PRRX1: variants seen among roughly 807,000 people sequenced by gnomAD.
PRRX1 encodes paired mesoderm homeobox protein 1.
Under a neutral mutation model 24.0 loss-of-function variants are expected in PRRX1, and 8 were observed. That is an observed-to-expected ratio of 0.33 (90% CI 0.20 to 0.60). The LOEUF (loss-of-function observed/expected upper bound fraction) is 0.60. Among genes scored for constraint, PRRX1 ranks in the 20% least tolerant of loss-of-function variants. PRRX1 has a pLI of 0.82. For synonymous variants in PRRX1, 160 were observed against 131.7 expected (o/e 1.22, Z -1.47); for missense variants, 281 against 322.4 (o/e 0.87, Z 0.98).
chr1:170,689,240 A>G (rs1240570614), intron 1 of PRRX1, among the ~76,000 whole-genome samples: 3 of 152,108 alleles, frequency 2.0e-5, no homozygotes, highest in African/African-American at 7.2e-5. Context: ...AAGATTTTTG[A>G]CAGGATTGAT....
At chr1:170,694,226 A>G (rs1654086076) in intron 1 of PRRX1, among the ~76,000 whole-genome samples, 1 of 152,134 alleles carries the variant, frequency 6.6e-6, no homozygotes. Flanking sequence ...ATTTTTTAAA[A>G]TGAATTTAGG....
At chr1:170,708,287 T>A (rs1654630308) in intron 1 of PRRX1, among the ~76,000 whole-genome samples, 1 of 152,106 alleles carries the variant, frequency 6.6e-6, no homozygotes, top group Non-Finnish European at 1.5e-5. Context: ...ATAAGATTAT[T>A]CCACATGAAT....
intron 1 of PRRX1, among the ~76,000 whole-genome samples, chr1:170,670,288 T>C (rs1305478130): frequency 6.6e-6 from 1 of 152,246 alleles, no homozygotes; most frequent in African/African-American, 2.4e-5. Flanking sequence ...GTCAGCGTTA[T>C]GTATCCACAA....
chr1:170,669,771 CCCGGCGCGCCTCCAGTTCCAAGG>C (rs1211123191), intron 1 of PRRX1, among the ~76,000 whole-genome samples: 2 of 151,950 alleles, frequency 1.3e-5, no homozygotes, highest in African/African-American at 4.8e-5. Context: ...CATTGCGACC[CCCGGCGCGCCTCCAGTTCCAAGG>C]CCGAGCTCAC....
At chr1:170,711,832 G>T (rs1320982376) in intron 1 of PRRX1, among the ~76,000 whole-genome samples, 1 of 152,154 alleles carries the variant, frequency 6.6e-6, no homozygotes, top group Non-Finnish European at 1.5e-5. Context: ...CACACATCTG[G>T]ATTATTGCAA....
At position 170,696,790 on chromosome 1, in the gene PRRX1, G is replaced by A. The variant is rs79354140; in HGVS notation, c.242-22936G>A. ...TAAAGTTCTCACAGAGAAAGAAAAC[G>A]TTTACCACTCAGTAAAAATCCCTGG... On this transcript the variant is annotated intron_variant, in intron 1 of 3. Transcript: ENST00000239461. Among the ~76,000 whole-genome samples, 200 of 152,214 alleles carry A rather than the reference G, an allele frequency of 1.3e-3. 5 individuals carry two copies. In the East Asian group the frequency reaches 0.026, roughly 20 times the overall value.
chr1:170,691,371 G>C (rs542369915), intron 1 of PRRX1, among the ~76,000 whole-genome samples: 3 of 152,010 alleles, frequency 2.0e-5, no homozygotes, highest in East Asian at 1.9e-4. Flanking sequence ...TGCTTTTATA[G>C]AGTTGCCACT....
At position 170,710,213 on chromosome 1, in the gene PRRX1, C is replaced by T. The variant is rs1302797598; in HGVS notation, c.242-9513C>T. On this transcript the variant is annotated intron_variant, in intron 1 of 3. Transcript: ENST00000239461. ...AAGTAAAAAAACACACCACCAACAC[C>T]ATCACCACCAAAAGAATATAATTCA... Among the ~76,000 whole-genome samples the T allele has an allele frequency of 3.3e-5, 5 of 152,252 alleles. No homozygotes were observed. In the East Asian group the frequency reaches 9.6e-4, roughly 29 times the overall value.
intron 3 of PRRX1, among the ~76,000 whole-genome samples, chr1:170,734,223 A>T (rs1001884612): frequency 4.8e-5 from 7 of 144,388 alleles, no homozygotes; most frequent in Non-Finnish European, 3.0e-5. Context: ...TATTGGTAAG[A>T]TTTTTTTTTT....
intron 1 of PRRX1, among the ~76,000 whole-genome samples, chr1:170,710,744 C>T (rs973995838): frequency 7.9e-5 from 12 of 152,080 alleles, no homozygotes; most frequent in Non-Finnish European, 1.8e-4. Flanking sequence ...AAGAAGAGAC[C>T]AGGAAGCTTG....
chr1:170,719,185 C>T (rs1325027997), intron 1 of PRRX1, among the ~76,000 whole-genome samples: 1 of 152,152 alleles, frequency 6.6e-6, no homozygotes, highest in Non-Finnish European at 1.5e-5. Context: ...TTACTTGCTG[C>T]TTCAAGGAGA....
chr1:170,693,263 G>C (rs140159157), intron 1 of PRRX1, among the ~76,000 whole-genome samples: 2 of 152,206 alleles, frequency 1.3e-5, no homozygotes, highest in African/African-American at 4.8e-5. Flanking sequence ...TCGCAAAATA[G>C]AAAATGCTGT....
intron 2 of PRRX1, 136 bp downstream of exon 2, chr1:170,720,037 G>A (rs1655030964): frequency 2.5e-6 from 3 of 1,179,912 alleles, no homozygotes; most frequent in Non-Finnish European, 3.7e-6. Context: ...GGAGGTTGAG[G>A]CAGGCACATT....
At chr1:170,730,127 C>A (rs1164668954) in intron 3 of PRRX1, 2 of 778,076 alleles carry the variant, frequency 2.6e-6, no homozygotes, top group African/African-American at 1.7e-5. Flanking sequence ...TAAAAGAAAG[C>A]TAGTGATGAG....
At chr1:170,667,899 C>A (rs1652997543) in intron 1 of PRRX1, 1 of 152,182 alleles carries the variant, frequency 6.6e-6, no homozygotes, top group South Asian at 2.1e-4. Context: ...TTGCAAAATT[C>A]CTAACTATAA....
At chr1:170,687,575 A>C (rs1653788478) in intron 1 of PRRX1, among the ~76,000 whole-genome samples, 1 of 152,158 alleles carries the variant, frequency 6.6e-6, no homozygotes, top group Non-Finnish European at 1.5e-5. Context: ...TTTTCTCTAA[A>C]ATGAGGATTA....
Position 170,738,920 on chromosome 1 carries a change from C to T in PRRX1, c.*2734C>T, listed in dbSNP as rs771409379. The T allele has an allele frequency of 3.5e-5, 8 of 228,622 alleles. No individual in the cohort carries two copies. Among genetic ancestry groups the T allele is most frequent in the Non-Finnish European group, 6.9e-5 (8 of 115,238 alleles). 14.2% of individuals were successfully genotyped at this position (228,622 alleles called of 1,614,324 possible). A position where few individuals can be genotyped will look rare whatever the true frequency, so the allele number is the denominator to read the frequency against. On this transcript the variant is annotated 3_prime_UTR_variant, in exon 4 of 4. Coordinates refer to ENST00000239461, the MANE Select transcript of PRRX1 (RefSeq NM_022716.4). ...TGGTCAGCCAAAGAAACATTCACTG[C>T]TGGTGAACCAATACCATAAGCATGT... is the stretch of plus-strand genomic sequence containing the variant.
In PRRX1 at chr1:170,736,710, G is replaced by C. The variant is rs938891907; in HGVS notation, c.*524G>C. The C allele has an allele frequency of 1.0e-5, 2 of 194,822 alleles. No homozygotes were observed. The highest frequency in any genetic ancestry group is 2.3e-5 in the African/African-American group (1 of 43,002). The allele number at this position is 194,822 out of a possible 1,614,324, so 12.1% of individuals were successfully genotyped here. A position where few individuals can be genotyped will look rare whatever the true frequency, so the allele number is the denominator to read the frequency against. On this transcript the variant is annotated 3_prime_UTR_variant, in exon 4 of 4. Transcript: ENST00000239461. ...CTTTCTGAAGAATCTGTGCTGGACA[G>C]ACATAATTCCCTTTCTCATTGTCTC...
intron 1 of PRRX1, among the ~76,000 whole-genome samples, chr1:170,701,701 A>T (rs991620987): frequency 6.6e-6 from 1 of 152,118 alleles, no homozygotes; most frequent in African/African-American, 2.4e-5. Flanking sequence ...CAGACAGAAA[A>T]TATATTTTAT....
Sources: allele counts gnomAD v4.1 joint callset (sites outside exome capture counted in the v4.1 genomes callset), GRCh38; gene constraint gnomAD v4.1.1; transcripts MANE v1.5; gene names NCBI Gene and HGNC (gene_info 2026-07-23, HGNC 2026-07-21).